POU6F2: variants seen among roughly 807,000 people sequenced by gnomAD.
The protein encoded by POU6F2 is POU class 6 homeobox 2, also known as POU domain, class 6, transcription factor 2.
Under a neutral mutation model 71.3 loss-of-function variants are expected in POU6F2, and 31 were observed. The ratio of observed to expected loss-of-function variants is 0.43; its 90% CI spans 0.33 to 0.59. The LOEUF is 0.59. Ranked by LOEUF, POU6F2 falls within the 20% of genes least tolerant of loss-of-function variation. The probability of loss-of-function intolerance (pLI) is 0.04; values close to 1 mark genes in which losing one functional copy is unlikely to be tolerated. For synonymous variants in POU6F2, 347 were observed against 355.7 expected (o/e 0.98, Z 0.27); for missense variants, 783 against 856.8 (o/e 0.91, Z 1.07).
chr7:39,314,198 G>A (rs1034438099), intron 4 of POU6F2, among the ~76,000 whole-genome samples: 14 of 152,192 alleles, frequency 9.2e-5, no homozygotes, highest in Non-Finnish European at 4.4e-5. Flanking sequence ...CAACACTCCC[G>A]GCGTGTGGGA....
chr7:39,294,671 C>A (rs1321803533), intron 4 of POU6F2, among the ~76,000 whole-genome samples: 1 of 152,094 alleles, frequency 6.6e-6, no homozygotes, highest in Non-Finnish European at 1.5e-5. Context: ...CACCCTGATT[C>A]ATTCTAGAGC....
intron 2 of POU6F2, among the ~76,000 whole-genome samples, chr7:39,090,053 A>C (rs939373888): frequency 6.6e-6 from 1 of 151,950 alleles, no homozygotes; most frequent in African/African-American, 2.4e-5. Flanking sequence ...TTGCATCCAA[A>C]GTAAAAAATT....
At chr7:38,981,310 A>T (rs529588757) in intron 1 of POU6F2, among the ~76,000 whole-genome samples, 96 of 152,150 alleles carry the variant, frequency 6.3e-4, no homozygotes, top group African/African-American at 2.3e-3. Flanking sequence ...GTGACAGATT[A>T]GTTCATCAGT....
chr7:39,416,318 A>C (rs1164753376), intron 6 of POU6F2, among the ~76,000 whole-genome samples: 1 of 152,220 alleles, frequency 6.6e-6, no homozygotes, highest in African/African-American at 2.4e-5. Context: ...TGCCAGAGAA[A>C]ATCGCCTTAA....
intron 4 of POU6F2, among the ~76,000 whole-genome samples, chr7:39,247,496 CAGAG>C (rs940981389): frequency 4.9e-5 from 6 of 122,460 alleles, no homozygotes; most frequent in African/African-American, 1.5e-4. Flanking sequence ...AAGAAAGAGA[CAGAG>C]AGAGAGAAAG....
chr7:39,081,078 A>G (rs1470397503), intron 1 of POU6F2, among the ~76,000 whole-genome samples: 1 of 152,232 alleles, frequency 6.6e-6, no homozygotes, highest in Non-Finnish European at 1.5e-5. Flanking sequence ...ATGAAAGTAC[A>G]TCAGAAGTTA....
intron 1 of POU6F2, chr7:39,013,599 T>G (rs1031512687): frequency 6.6e-6 from 1 of 152,258 alleles, no homozygotes; most frequent in African/African-American, 2.4e-5. Flanking sequence ...GAATGTCTTG[T>G]TCTGTAGAGT....
chr7:39,380,882 C>T (rs1160873627), intron 5 of POU6F2, among the ~76,000 whole-genome samples: 1 of 152,078 alleles, frequency 6.6e-6, no homozygotes, highest in African/African-American at 2.4e-5. Context: ...TCGTGCTCAC[C>T]CACTAGTTTC....
intron 1 of POU6F2, among the ~76,000 whole-genome samples, chr7:39,044,500 G>A (rs1363335679): frequency 6.6e-6 from 1 of 151,922 alleles, no homozygotes; most frequent in African/African-American, 2.4e-5. Context: ...AGCAGATACT[G>A]TAGCATTTTG....
At chr7:39,084,499 AC>A (rs1392510570) in intron 1 of POU6F2, among the ~76,000 whole-genome samples, 1 of 152,138 alleles carries the variant, frequency 6.6e-6, no homozygotes, top group Non-Finnish European at 1.5e-5. Context: ...AAATGTGTTT[AC>A]CTACAGTATT....
At chr7:39,314,146 C>G in intron 4 of POU6F2, among the ~76,000 whole-genome samples, 1 of 152,202 alleles carries the variant, frequency 6.6e-6, no homozygotes, top group East Asian at 1.9e-4. Flanking sequence ...GGTCAGGTCC[C>G]TGGCTTCCTC....
At chr7:38,992,165 T>C (rs1276264952) in intron 1 of POU6F2, among the ~76,000 whole-genome samples, 1 of 152,188 alleles carries the variant, frequency 6.6e-6, no homozygotes, top group Non-Finnish European at 1.5e-5. Flanking sequence ...ACTATCACTC[T>C]CCTAATTTAT....
chr7:38,995,715 T>G (rs1788716238), intron 1 of POU6F2, among the ~76,000 whole-genome samples: 1 of 152,212 alleles, frequency 6.6e-6, no homozygotes, highest in African/African-American at 2.4e-5. Flanking sequence ...CTTGCACAAC[T>G]TAGCTCCTCT....
At chr7:39,309,762 G>C (rs1018161613) in intron 4 of POU6F2, among the ~76,000 whole-genome samples, 1 of 152,198 alleles carries the variant, frequency 6.6e-6, no homozygotes, top group Non-Finnish European at 1.5e-5. Flanking sequence ...GACATAGAAT[G>C]TGACTTACAT....
At chr7:39,223,568 C>G (rs1562753245) in intron 4 of POU6F2, among the ~76,000 whole-genome samples, 4 of 152,190 alleles carry the variant, frequency 2.6e-5, no homozygotes, top group Admixed American at 6.5e-5. Context: ...AAAATCCTGA[C>G]TGTTGGAATT....
chr7:39,242,156 A>G (rs1783737914), intron 4 of POU6F2, among the ~76,000 whole-genome samples: 1 of 152,152 alleles, frequency 6.6e-6, no homozygotes, highest in Non-Finnish European at 1.5e-5. Context: ...GGCAATGATA[A>G]ACCCACTGTA....
chr7:39,381,369 C>G (rs1198204188), intron 5 of POU6F2, among the ~76,000 whole-genome samples: 1 of 152,184 alleles, frequency 6.6e-6, no homozygotes, highest in Non-Finnish European at 1.5e-5. Context: ...TCTTGAGTAG[C>G]TGGGACTACA....
chr7:39,397,465 G>A (rs974687895), intron 5 of POU6F2, among the ~76,000 whole-genome samples: 1 of 76,986 alleles, frequency 1.3e-5, no homozygotes, highest in Non-Finnish European at 2.4e-5. Flanking sequence ...CATATATATA[G>A]ACATAGAGAG....
chr7:39,123,870 T>G (rs1792093284), intron 2 of POU6F2, among the ~76,000 whole-genome samples: 1 of 152,092 alleles, frequency 6.6e-6, no homozygotes, highest in South Asian at 2.1e-4. Flanking sequence ...AAGTAACTAG[T>G]AGTAAAATCT....
Sources: gnomAD v4.1 joint callset for allele counts (sites outside exome capture counted in the v4.1 genomes callset) on GRCh38, gnomAD v4.1.1 for gene constraint, MANE v1.5 for transcripts, NCBI Gene and HGNC (gene_info 2026-07-23, HGNC 2026-07-21) for gene names.